The following IRAK1BP1 variants were observed in gnomAD, a reference collection of about 807,000 sequenced individuals.
The protein encoded by IRAK1BP1 is interleukin 1 receptor associated kinase 1 binding protein 1.
In IRAK1BP1, 24 loss-of-function variants were observed where a neutral mutation model predicts 28.0. That is an observed-to-expected ratio of 0.86 (90% confidence interval 0.62 to 1.20). IRAK1BP1 has a LOEUF of 1.20. Ranked by LOEUF, IRAK1BP1 falls within the 50% of genes most tolerant of loss-of-function variation. The pLI is 0.00. For synonymous variants in IRAK1BP1, 131 were observed against 116.3 expected (o/e 1.13, Z -0.81); for missense variants, 336 against 316.7 (o/e 1.06, Z -0.46).
chr6:78,898,173 A>T lies in IRAK1BP1; in HGVS notation c.622A>T (p.Thr208Ser), dbSNP rs765284001. 6.2e-7 allele frequency: 1 copy of T among 1,613,866 alleles called. No individual in the cohort carries two copies. Among genetic ancestry groups the T allele is most frequent in the South Asian group, 1.1e-5 (1 of 91,060 alleles). ...ACCTTTACTAATCAAAGAAGAAGAA[A>T]CAAAAGAATGGGAAGGCCAAATAGA... ...GKPLLIKEEE[T>S]KEWEGQIDDH... The change falls in exon 4 of 4, where the codon ACA becomes TCA. Residue 208 changes from threonine to serine, a missense_variant. Thr to Ser is a moderately conservative substitution (Grantham distance 58). Coordinates refer to ENST00000369940, the MANE Select transcript of IRAK1BP1 (RefSeq NM_001010844.4).
In IRAK1BP1 at chr6:78,935,432, CCTT is replaced by C. The variant is rs531227704; in HGVS notation, c.*68-9972_*68-9970del. 2.7e-5 allele frequency: 24 copies of C among 877,486 alleles called. No individual in the cohort carries two copies. In the East Asian group the frequency reaches 1.8e-3, roughly 66 times the overall value. 54.4% of individuals were successfully genotyped at this position (877,486 alleles called of 1,614,324 possible). A position where few individuals can be genotyped will look rare whatever the true frequency, so the allele number is the denominator to read the frequency against. ...AAAATTTCTAGGAAAACTGCAATAACCTTCTTTCCATCATTCCTTTTTTCCCAG... is the reference window on the plus strand; with the variant it reads ...AAAATTTCTAGGAAAACTGCAATAACCTTTCCATCATTCCTTTTTTCCCAG... On this transcript the variant is annotated intron_variant and NMD_transcript_variant, in intron 4 of 4. Transcript: ENST00000606868.
At chr6:78,974,267 T>C in the IRAK1BP1 span, among the ~76,000 whole-genome samples, 1 of 152,086 alleles carries the variant, frequency 6.6e-6, no homozygotes, top group Non-Finnish European at 1.5e-5. Flanking sequence ...AACCTGCTCC[T>C]GAATGACTAC....
intron 4 of IRAK1BP1, among the ~76,000 whole-genome samples, chr6:78,922,956 C>G (rs1300766790): frequency 1.3e-5 from 2 of 152,138 alleles, no homozygotes; most frequent in African/African-American, 4.8e-5. Context: ...TCGGTACCAG[C>G]CACTGCAAAA....
the IRAK1BP1 span, among the ~76,000 whole-genome samples, chr6:78,962,940 G>A: frequency 6.6e-6 from 1 of 152,084 alleles, no homozygotes; most frequent in South Asian, 2.1e-4. Flanking sequence ...GTTAAGTCCT[G>A]TGTTAAGACC....
At position 78,900,870 on chromosome 6, in the gene IRAK1BP1, A is replaced by G. The variant is rs554896020; in HGVS notation, c.*2536A>G. On this transcript the variant is annotated 3_prime_UTR_variant, in exon 4 of 4. Coordinates refer to ENST00000369940, the MANE Select transcript of IRAK1BP1 (RefSeq NM_001010844.4). The stretch of plus-strand genomic sequence containing the variant: ...GCTGATATATCAGCTGCATTGTTTG[A>G]TTATTGTTGGCTCAATTAAAAGTTG... 3.9e-5 allele frequency: 6 copies of G among 152,182 alleles called. No homozygotes were observed. The highest frequency in any genetic ancestry group is 2.6e-4 in the Admixed American group (4 of 15,278). 9.4% of individuals were successfully genotyped at this position (152,182 alleles called of 1,614,324 possible). A position where few individuals can be genotyped will look rare whatever the true frequency, so the allele number is the denominator to read the frequency against.
chr6:78,955,573 G>C, the IRAK1BP1 span: 4 of 682,396 alleles, frequency 5.9e-6, no homozygotes, highest in South Asian at 7.4e-5. Flanking sequence ...TTTTTATATA[G>C]AGAATATCAA....
At chr6:78,940,534 T>C (rs1773434844) in intron 4 of IRAK1BP1, 1 of 188,790 alleles carries the variant, frequency 5.3e-6, no homozygotes, top group African/African-American at 2.4e-5. Flanking sequence ...AGAAGTGAAG[T>C]GTCTCGTAAG....
intron 4 of IRAK1BP1, among the ~76,000 whole-genome samples, chr6:78,910,130 T>C (rs183346621): frequency 1.3e-4 from 20 of 152,166 alleles, no homozygotes; most frequent in Non-Finnish European, 2.5e-4. Context: ...GAAACTGGAC[T>C]TAGTTGCTAA....
chr6:78,920,095 A>G (rs1172870578), intron 4 of IRAK1BP1, among the ~76,000 whole-genome samples: 9 of 152,066 alleles, frequency 5.9e-5, no homozygotes, highest in Non-Finnish European at 1.2e-4. Flanking sequence ...CTCTACTAAA[A>G]ATACAAAAAT....
chr6:78,954,202 C>A, the IRAK1BP1 span, among the ~76,000 whole-genome samples: 287 of 152,046 alleles, frequency 1.9e-3, 3 homozygotes, highest in Non-Finnish European at 1.5e-3. Context: ...CCCGGGTTCA[C>A]GCCATTCTCC....
At chr6:78,945,213 A>G in intron 4 of IRAK1BP1, 1 of 1,006,882 alleles carries the variant, frequency 9.9e-7, no homozygotes, top group Non-Finnish European at 1.5e-6. Flanking sequence ...GGGCAACCTG[A>G]AAAGTGGATA....
Position 78,946,419 on chromosome 6 carries a change from A to G in IRAK1BP1, c.*1079A>G, listed in dbSNP as rs756870466. ...TATGATTGTGAGCCTTTGAAAGTGAATATTTAGTGAAGGATCGCTGTAAAT... is the reference window on the plus strand; with the variant it reads ...TATGATTGTGAGCCTTTGAAAGTGAGTATTTAGTGAAGGATCGCTGTAAAT... On this transcript the variant is annotated 3_prime_UTR_variant and NMD_transcript_variant, in exon 5 of 5. Coordinates refer to the IRAK1BP1 transcript ENST00000606868. 3.6e-6 allele frequency: 5 copies of G among 1,404,292 alleles called. No homozygotes were observed. The East Asian group carries it at 7.7e-5, about 22-fold the overall frequency. 87.0% of individuals were successfully genotyped at this position (1,404,292 alleles called of 1,614,324 possible). A position where few individuals can be genotyped will look rare whatever the true frequency, so the allele number is the denominator to read the frequency against.
At chr6:78,924,560 C>G (rs1407483884) in intron 4 of IRAK1BP1, among the ~76,000 whole-genome samples, 1 of 152,182 alleles carries the variant, frequency 6.6e-6, no homozygotes, top group African/African-American at 2.4e-5. Context: ...CTCCCTAACT[C>G]ATTTTATGAG....
rs556588004 is a variant in IRAK1BP1, at chr6:78,917,003, G to A, written c.*67+13893G>A. Reference sequence around the variant, plus strand: ...AGAAGAAACCAGTGCAAGAATTCTGGCACTGTGAAAAATCTGAATGTAGTG... The same window carrying A: ...AGAAGAAACCAGTGCAAGAATTCTGACACTGTGAAAAATCTGAATGTAGTG... On this transcript the variant is annotated intron_variant and NMD_transcript_variant, in intron 4 of 4. Transcript: ENST00000606868. Among the ~76,000 whole-genome samples, 63 of 152,130 alleles carry A rather than the reference G, an allele frequency of 4.1e-4. 1 individual carries two copies. In the South Asian group the frequency reaches 0.013, roughly 31 times the overall value.
chr6:78,892,794 T>A (rs1459017224), intron 2 of IRAK1BP1, among the ~76,000 whole-genome samples: 1 of 152,126 alleles, frequency 6.6e-6, no homozygotes. Flanking sequence ...ATACACTGAA[T>A]AGGATTAACA....
In IRAK1BP1 at chr6:78,898,128, G is replaced by C; in HGVS notation, c.577G>C (p.Val193Leu). 1 of 1,613,848 alleles carries C rather than the reference G, an allele frequency of 6.2e-7. No individual in the cohort carries two copies. ...CAAAGCTCAAGAAGTCTGTAACCTTGTTGGCCAAACCTTAGGAAAACCTTT... is the reference window on the plus strand; with the variant it reads ...CAAAGCTCAAGAAGTCTGTAACCTTCTTGGCCAAACCTTAGGAAAACCTTT... ...WRKAQEVCNLVGQTLGKPLLI... is the reference protein window; with the variant it reads ...WRKAQEVCNLLGQTLGKPLLI... The change falls in exon 4 of 4, where the codon GTT becomes CTT. Residue 193 changes from valine to leucine, a missense_variant. Coordinates refer to ENST00000369940, the MANE Select transcript of IRAK1BP1 (RefSeq NM_001010844.4).
chr6:78,973,167 A>C, the IRAK1BP1 span, among the ~76,000 whole-genome samples: 2 of 152,194 alleles, frequency 1.3e-5, no homozygotes, highest in East Asian at 3.9e-4. Context: ...CATTAGACTA[A>C]CAGCGGATCT....
At chr6:78,903,242 G>C, downstream of IRAK1BP1, 1 of 501,900 alleles carries the variant, frequency 2.0e-6, no homozygotes, top group Non-Finnish European at 3.5e-6. Context: ...CAACACTTCG[G>C]GAGGCCGAGG....
chr6:78,897,675 A>G (rs1405493368), intron 2 of IRAK1BP1, among the ~76,000 whole-genome samples, 154 bp from the exon 3 acceptor site: 1 of 152,198 alleles, frequency 6.6e-6, no homozygotes, highest in Non-Finnish European at 1.5e-5. Flanking sequence ...AGAACAAAAT[A>G]ATTTAGTTAT....
Sources: gnomAD v4.1 joint callset for allele counts (sites outside exome capture counted in the v4.1 genomes callset) on GRCh38, gnomAD v4.1.1 for gene constraint, MANE v1.5 for transcripts, NCBI Gene and HGNC (gene_info 2026-07-23, HGNC 2026-07-21) for gene names.